The following SSMEM1 variants were observed in gnomAD, a reference collection of about 807,000 sequenced individuals.
SSMEM1 encodes the protein serine-rich single-pass membrane protein 1.
In SSMEM1, 12 loss-of-function variants were observed where a neutral mutation model predicts 9.9. That is an observed-to-expected ratio of 1.21 (90% CI 0.78 to 1.96). The LOEUF is 1.96. Ranked by LOEUF, SSMEM1 falls within the 30% of genes most tolerant of loss-of-function variation. The pLI, the probability that SSMEM1 is intolerant of heterozygous loss-of-function variation, is 0.00. For synonymous variants in SSMEM1, 96 were observed against 98.9 expected (o/e 0.97, Z 0.17); for missense variants, 259 against 292.2 (o/e 0.89, Z 0.83).
At chr7:130,212,725 CA>C (rs976990585) in intron 1 of SSMEM1, among the ~76,000 whole-genome samples, 10 of 135,284 alleles carry the variant, frequency 7.4e-5, no homozygotes, top group African/African-American at 2.2e-4. Context: ...GACTCCGTCT[CA>C]AAAAAAAAAC....
upstream of SSMEM1, chr7:130,205,519 A>C (rs1798429589): frequency 7.5e-7 from 1 of 1,328,822 alleles, no homozygotes; most frequent in South Asian, 1.2e-5. Flanking sequence ...GAGGGGTCGC[A>C]GGCCCAGGCG....
At chr7:130,212,993 C>T (rs761415335) in intron 1 of SSMEM1, among the ~76,000 whole-genome samples, 1 of 152,152 alleles carries the variant, frequency 6.6e-6, no homozygotes, top group Non-Finnish European at 1.5e-5. Flanking sequence ...GAACTCAATA[C>T]ATACTGAATT....
At chr7:130,214,792 G>A (rs1212391391) in intron 2 of SSMEM1, among the ~76,000 whole-genome samples, 9 of 152,218 alleles carry the variant, frequency 5.9e-5, no homozygotes, top group African/African-American at 2.2e-4. Context: ...AGTGGCTACA[G>A]GGATGATACT....
chr7:130,206,243 G>C (rs1798460963), upstream of SSMEM1, among the ~76,000 whole-genome samples: 1 of 152,210 alleles, frequency 6.6e-6, no homozygotes, highest in South Asian at 2.1e-4. Context: ...ACCCAGAGGA[G>C]CTCAACCCCA....
upstream of SSMEM1, chr7:130,205,637 G>C: frequency 5.0e-6 from 3 of 596,140 alleles, no homozygotes; most frequent in Admixed American, 3.0e-5. Context: ...GCAGTAAAAA[G>C]TAATAATTGT....
chr7:130,207,624 G>A (rs1035548586), upstream of SSMEM1: 4 of 453,002 alleles, frequency 8.8e-6, no homozygotes, highest in Admixed American at 6.5e-5. Context: ...ACTTAGACGT[G>A]AAGATAGGAA....
At chr7:130,213,637 T>C in intron 2 of SSMEM1, 103 bp downstream of exon 2, 2 of 899,976 alleles carry the variant, frequency 2.2e-6, no homozygotes, top group Non-Finnish European at 1.7e-6. Context: ...GCAGGAGGAT[T>C]GCTTGAGCTA....
At position 130,207,876 on chromosome 7, in the gene SSMEM1, T is replaced by C; in HGVS notation, c.-35T>C. 6.2e-7 allele frequency: 1 copy of C among 1,609,646 alleles called. No individual in the cohort carries two copies. Among genetic ancestry groups the C allele is most frequent in the East Asian group, 2.2e-5 (1 of 44,790 alleles). On this transcript the variant is annotated 5_prime_UTR_variant, in exon 1 of 3. Transcript: ENST00000297819. Reference sequence around the variant, plus strand: ...GTAGTTCCCAGTCATCTTTATCCCTTTAAGCATGGTTTATTTTCTGAGCAA... The same window carrying C: ...GTAGTTCCCAGTCATCTTTATCCCTCTAAGCATGGTTTATTTTCTGAGCAA...
intron 2 of SSMEM1, among the ~76,000 whole-genome samples, chr7:130,214,568 C>T (rs1305523699): frequency 6.6e-6 from 1 of 152,196 alleles, no homozygotes; most frequent in Non-Finnish European, 1.5e-5. Flanking sequence ...TGCACCTTAG[C>T]CAACCATGGC....
Position 130,216,821 on chromosome 7 carries a change from T to C in SSMEM1, c.*351T>C. ...TATGAATAAGAAAGCTCTTTGAAAA[T>C]GTATTATTTATGTTGAGAAACCACT... On this transcript the variant is annotated 3_prime_UTR_variant, in exon 3 of 3. Coordinates refer to ENST00000297819, the MANE Select transcript of SSMEM1 (RefSeq NM_145268.4). 1 of 246,322 alleles carries C rather than the reference T, an allele frequency of 4.1e-6. No homozygotes were observed. The highest frequency in any genetic ancestry group is 7.9e-6 in the Non-Finnish European group (1 of 126,666). The allele number at this position is 246,322 out of a possible 1,614,324, so 15.3% of individuals were successfully genotyped here.
At chr7:130,209,208 A>G (rs948628046) in intron 1 of SSMEM1, among the ~76,000 whole-genome samples, 2 of 152,202 alleles carry the variant, frequency 1.3e-5, no homozygotes, top group Non-Finnish European at 2.9e-5. Context: ...CTTGCTGGCC[A>G]TTAATACCAG....
chr7:130,215,906 T>G (rs943477789), intron 2 of SSMEM1, 68 bp from the exon 3 acceptor site: 1 of 1,563,076 alleles, frequency 6.4e-7, no homozygotes, highest in Admixed American at 1.9e-5. Flanking sequence ...GTGCACAGGC[T>G]TCTTAAGTAA....
intron 2 of SSMEM1, among the ~76,000 whole-genome samples, chr7:130,214,914 G>A (rs1050367194): frequency 1.3e-5 from 2 of 152,172 alleles, no homozygotes; most frequent in Non-Finnish European, 2.9e-5. Flanking sequence ...GCTGATTTTC[G>A]TGGTATAAAT....
chr7:130,212,246 GA>G (rs1798605113), intron 1 of SSMEM1, among the ~76,000 whole-genome samples: 2 of 152,182 alleles, frequency 1.3e-5, no homozygotes, highest in South Asian at 4.1e-4. Flanking sequence ...ACTATTCAAA[GA>G]AATCCATTTC....
At chr7:130,210,404 A>T (rs925301368) in intron 1 of SSMEM1, among the ~76,000 whole-genome samples, 4 of 152,214 alleles carry the variant, frequency 2.6e-5, no homozygotes, top group African/African-American at 9.6e-5. Flanking sequence ...AGCACGATGG[A>T]AATGTGGTGG....
At chr7:130,215,839 C>T in intron 2 of SSMEM1, 135 bp from the exon 3 acceptor site, 2 of 1,170,506 alleles carry the variant, frequency 1.7e-6, no homozygotes, top group South Asian at 1.6e-5. Context: ...CCAACACTTG[C>T]AGGTGACTGG....
At chr7:130,212,649 T>C (rs1190965695) in intron 1 of SSMEM1, among the ~76,000 whole-genome samples, 1 of 151,510 alleles carries the variant, frequency 6.6e-6, no homozygotes. Flanking sequence ...CACTTGAACC[T>C]GGGAGGCGGA....
chr7:130,216,228 A>C lies in SSMEM1; in HGVS notation c.493A>C (p.Ser165Arg). The C allele has an allele frequency of 6.2e-7, 1 of 1,614,196 alleles. No individual in the cohort carries two copies. Among genetic ancestry groups the C allele is most frequent in the Non-Finnish European group, 8.5e-7 (1 of 1,180,040 alleles). ...SNSEASSWKE[S>R]ESEHHPSPDS... is the part of the protein sequence containing the mutation. The stretch of plus-strand genomic sequence containing the variant: ...CTCAGAAGCCTCCTCGTGGAAGGAG[A>C]GTGAAAGTGAACACCACCCATCACC... The change falls in exon 3 of 3, where the codon AGT becomes CGT. Residue 165 changes from serine (S) to arginine (R), a missense_variant. Ser to Arg is a moderately radical substitution (Grantham distance 110). Coordinates refer to ENST00000297819, the MANE Select transcript of SSMEM1 (RefSeq NM_145268.4).
chr7:130,216,051 C>G lies in SSMEM1; in HGVS notation c.316C>G (p.Gln106Glu), dbSNP rs758391833. The change falls in exon 3 of 3, where the codon CAG becomes GAG. Residue 106 changes from glutamine (Q) to glutamate (E), a missense_variant. Gln to Glu is a conservative substitution (Grantham distance 29). Transcript: ENST00000297819. Reference sequence around the variant, plus strand: ...CTCACAAACAATGAAGAAACCAAAGCAGAACCAACTTACCCCTGTAACCAA... The same window carrying G: ...CTCACAAACAATGAAGAAACCAAAGGAGAACCAACTTACCCCTGTAACCAA... ...DPSQTMKKPK[Q>E]NQLTPVTNSE... The G allele has an allele frequency of 7.4e-6, 12 of 1,614,072 alleles. No individual in the cohort carries two copies. Among genetic ancestry groups the G allele is most frequent in the Non-Finnish European group, 6.8e-6 (8 of 1,180,042 alleles).
Sources: gnomAD v4.1 joint callset for allele counts (sites outside exome capture counted in the v4.1 genomes callset) on GRCh38, gnomAD v4.1.1 for gene constraint, MANE v1.5 for transcripts, NCBI Gene and HGNC (gene_info 2026-07-23, HGNC 2026-07-21) for gene names.